The following NAALADL2 variants were observed in gnomAD, a reference collection of about 807,000 sequenced individuals.
NAALADL2 encodes the protein N-acetylated alpha-linked acidic dipeptidase like 2, also known as inactive N-acetylated-alpha-linked acidic dipeptidase-like protein 2.
NAALADL2 carries 76 observed loss-of-function variants against 87.2 expected under a neutral mutation model. That is an observed-to-expected ratio of 0.87 (90% confidence interval 0.72 to 1.05). NAALADL2 has a LOEUF of 1.05. NAALADL2 is among the 50% of genes least tolerant of loss of function. The pLI is 0.00. For synonymous variants in NAALADL2, 354 were observed against 331.0 expected, an observed-to-expected ratio of 1.07 and a Z score of -0.75; for missense variants, 1,089 against 945.8, an observed-to-expected ratio of 1.15 and a Z score of -1.99.
At chr3:174,598,464 A>G (rs1718128493) in intron 2 of NAALADL2, among the ~76,000 whole-genome samples, 2 of 152,150 alleles carry the variant, frequency 1.3e-5, no homozygotes, top group African/African-American at 2.4e-5. Context: ...TTAAGTGAAA[A>G]TGGTAGATTT....
At chr3:175,724,235 T>C (rs921299389) in intron 11 of NAALADL2, among the ~76,000 whole-genome samples, 1 of 152,184 alleles carries the variant, frequency 6.6e-6, no homozygotes, top group African/African-American at 2.4e-5. Flanking sequence ...TGTTGGGCTA[T>C]GTCATATAGG....
At position 174,844,558 on chromosome 3, in the gene NAALADL2, G is replaced by T. The variant is rs74900715; in HGVS notation, c.-9+106812G>T. Reference sequence around the variant, plus strand: ...TGTCATTGGTATTTTGATAGGAATTGCATCAATTCTGTAGATCTCTTTGGT... The same window carrying T: ...TGTCATTGGTATTTTGATAGGAATTTCATCAATTCTGTAGATCTCTTTGGT... On this transcript the variant is annotated intron_variant, in intron 3 of 3. Coordinates refer to the NAALADL2 transcript ENST00000434257. 6.0e-3 allele frequency among the ~76,000 whole-genome samples: 913 copies of T among 152,130 alleles called. 11 individuals are homozygous for T. Among genetic ancestry groups the T allele is most frequent in the African/African-American group, 0.021 (874 of 41,528 alleles).
chr3:175,790,145 G>C (rs543484547), intron 13 of NAALADL2, among the ~76,000 whole-genome samples: 7 of 152,138 alleles, frequency 4.6e-5, no homozygotes, highest in African/African-American at 9.6e-5. Flanking sequence ...TTGATAACTT[G>C]GTTTATATAT....
intron 9 of NAALADL2, among the ~76,000 whole-genome samples, chr3:175,501,378 G>A (rs1729518034): frequency 6.7e-6 from 1 of 150,070 alleles, no homozygotes; most frequent in Admixed American, 6.8e-5. Flanking sequence ...TACCCTGGAG[G>A]TTAAAAGATT....
chr3:175,049,397 A>G (rs1755080517), intron 1 of NAALADL2, among the ~76,000 whole-genome samples: 1 of 152,224 alleles, frequency 6.6e-6, no homozygotes, highest in Non-Finnish European at 1.5e-5. Context: ...CAGGGAAAGT[A>G]AAACCAGAGA....
At position 175,525,699 on chromosome 3, in the gene NAALADL2, G is replaced by T. The variant is rs185379993; in HGVS notation, c.1654-50342G>T. 1.8e-4 allele frequency among the ~76,000 whole-genome samples: 28 copies of T among 152,064 alleles called. No individual in the cohort carries two copies. In the East Asian group the frequency reaches 5.2e-3, roughly 28 times the overall value. On this transcript the variant is annotated intron_variant, in intron 9 of 13. Coordinates refer to ENST00000454872, the MANE Select transcript of NAALADL2 (RefSeq NM_207015.3). ...TTTGTGCTAATGAGCAATCCTCAAG[G>T]GGTGGGATTATTATATAAATGTTTT...
chr3:175,469,586 T>C (rs1724574560), intron 8 of NAALADL2, among the ~76,000 whole-genome samples: 2 of 152,090 alleles, frequency 1.3e-5, no homozygotes, highest in South Asian at 2.1e-4. Flanking sequence ...AGAAAAATTA[T>C]AACATTTTGC....
chr3:174,960,346 C>T (rs1444933746), intron 1 of NAALADL2, among the ~76,000 whole-genome samples: 1 of 151,986 alleles, frequency 6.6e-6, no homozygotes, highest in Non-Finnish European at 1.5e-5. Flanking sequence ...TTTCTGGAAA[C>T]ACTTTCTAGA....
At chr3:175,454,580 G>T (rs189120551) in intron 6 of NAALADL2, among the ~76,000 whole-genome samples, 89 of 152,120 alleles carry the variant, frequency 5.9e-4, no homozygotes, top group African/African-American at 2.0e-3. Context: ...GGTTCTCTTT[G>T]TTTACCAAAT....
At chr3:175,176,694 G>A (rs1735744597) in intron 2 of NAALADL2, among the ~76,000 whole-genome samples, 1 of 152,060 alleles carries the variant, frequency 6.6e-6, no homozygotes, top group African/African-American at 2.4e-5. Flanking sequence ...AGGTCAGAGA[G>A]GAAGGGAGAA....
chr3:175,600,525 CTT>C (rs869212429), intron 10 of NAALADL2, among the ~76,000 whole-genome samples: 56 of 61,016 alleles, frequency 9.2e-4, no homozygotes, highest in African/African-American at 3.1e-3. Flanking sequence ...GTGTCTTAGT[CTT>C]TTTTTTTTTT....
chr3:175,579,019 G>A (rs146596924), intron 10 of NAALADL2, among the ~76,000 whole-genome samples: 16 of 152,300 alleles, frequency 1.1e-4, no homozygotes, highest in African/African-American at 2.9e-4. Flanking sequence ...TGTAGGGACT[G>A]AGCTCATTAT....
chr3:174,990,654 A>C (rs1746609381), intron 1 of NAALADL2, among the ~76,000 whole-genome samples: 1 of 152,176 alleles, frequency 6.6e-6, no homozygotes. Context: ...AAAATTTCTA[A>C]AGCTCGAAAC....
intron 7 of NAALADL2, among the ~76,000 whole-genome samples, chr3:175,465,930 G>A (rs933477287): frequency 2.6e-5 from 4 of 152,220 alleles, no homozygotes; most frequent in Non-Finnish European, 5.9e-5. Context: ...CCTACTTTGT[G>A]TTGAGCATTG....
intron 1 of NAALADL2, among the ~76,000 whole-genome samples, chr3:174,456,227 A>G (rs534407951): frequency 3.5e-4 from 54 of 152,200 alleles, no homozygotes; most frequent in African/African-American, 1.1e-3. Context: ...AAACAATAGA[A>G]GAACATTCCA....
At chr3:174,462,379 G>A (rs1716270074) in intron 1 of NAALADL2, among the ~76,000 whole-genome samples, 1 of 152,044 alleles carries the variant, frequency 6.6e-6, no homozygotes, top group Non-Finnish European at 1.5e-5. Context: ...CAAATCTGTT[G>A]AAATCAGAAT....
chr3:175,493,432 G>C (rs1305801832), intron 9 of NAALADL2, among the ~76,000 whole-genome samples: 3 of 152,124 alleles, frequency 2.0e-5, no homozygotes, highest in Non-Finnish European at 4.4e-5. Flanking sequence ...AACATAATAG[G>C]TAAAACATTC....
intron 2 of NAALADL2, among the ~76,000 whole-genome samples, chr3:175,132,332 C>T (rs1427275941): frequency 4.7e-5 from 4 of 84,856 alleles, no homozygotes; most frequent in Admixed American, 4.1e-4. Context: ...ACCTCCTTCC[C>T]GGACGAGGCG....
chr3:175,544,026 G>A (rs1202405963), intron 9 of NAALADL2, among the ~76,000 whole-genome samples: 2 of 152,116 alleles, frequency 1.3e-5, no homozygotes, highest in African/African-American at 2.4e-5. Context: ...TATCTGTGTG[G>A]AGGGGTAAGG....
Sources: gnomAD v4.1 joint callset for allele counts (sites outside exome capture counted in the v4.1 genomes callset) on GRCh38, gnomAD v4.1.1 for gene constraint, MANE v1.5 for transcripts, NCBI Gene and HGNC (gene_info 2026-07-23, HGNC 2026-07-21) for gene names.